The following SLC25A28 variants were observed in gnomAD, a reference collection of about 807,000 sequenced individuals.
SLC25A28 encodes solute carrier family 25 member 28.
In SLC25A28, 10 loss-of-function variants were observed where a neutral mutation model predicts 31.9. The ratio of observed to expected loss-of-function variants is 0.31; its 90% CI spans 0.19 to 0.53. SLC25A28 has a LOEUF of 0.53. Ranked by LOEUF, SLC25A28 falls within the 20% of genes least tolerant of loss-of-function variation. The pLI is 0.95. For missense variants in SLC25A28, 256 were observed against 490.3 expected (o/e 0.52, Z 4.51); for synonymous variants, 208 against 203.6 (o/e 1.02, Z -0.19).
At chr10:99,645,778 C>G in the SLC25A28 span, among the ~76,000 whole-genome samples, 4 of 152,224 alleles carry the variant, frequency 2.6e-5, no homozygotes, top group African/African-American at 9.6e-5. Context: ...TTCCTTCTAA[C>G]AGTCAGGACC....
the SLC25A28 span, among the ~76,000 whole-genome samples, chr10:99,651,738 A>G: frequency 1.3e-5 from 2 of 151,894 alleles, no homozygotes; most frequent in African/African-American, 4.8e-5. Flanking sequence ...TGAGAGGTCC[A>G]TGCCACCATG....
upstream of SLC25A28, among the ~76,000 whole-genome samples, chr10:99,623,777 CTG>C (rs1200893855): frequency 6.6e-6 from 1 of 152,082 alleles, no homozygotes. Context: ...GGTGGAGACT[CTG>C]TCAGCCTGGG....
the SLC25A28 span, among the ~76,000 whole-genome samples, chr10:99,643,999 T>A: frequency 3.3e-5 from 5 of 152,200 alleles, no homozygotes; most frequent in Non-Finnish European, 5.9e-5. Context: ...TATGGTCAAT[T>A]TTGGAATAAG....
chr10:99,619,391 A>G (rs1279362033), intron 1 of SLC25A28: 2 of 985,220 alleles, frequency 2.0e-6, no homozygotes, highest in Non-Finnish European at 2.4e-6. Context: ...TCCCAGCTCA[A>G]TTTTCATGTT....
upstream of SLC25A28, among the ~76,000 whole-genome samples, chr10:99,625,006 C>T (rs1027869831): frequency 1.3e-5 from 2 of 151,898 alleles, no homozygotes; most frequent in Admixed American, 6.6e-5. Flanking sequence ...AGAATGAAGC[C>T]GCGGACACTC....
chr10:99,648,618 T>G, the SLC25A28 span, among the ~76,000 whole-genome samples: 1 of 152,148 alleles, frequency 6.6e-6, no homozygotes, highest in Non-Finnish European at 1.5e-5. Flanking sequence ...ATCTACTATT[T>G]CTTTCATCAA....
chr10:99,618,184 AT>A (rs1297593076), intron 1 of SLC25A28: 36 of 837,100 alleles, frequency 4.3e-5, no homozygotes, highest in Non-Finnish European at 5.2e-5. Context: ...TTCTAGAAGC[AT>A]TTTTAACAGG....
chr10:99,639,722 T>TACACAC, the SLC25A28 span, among the ~76,000 whole-genome samples: 25,045 of 130,878 alleles, frequency 0.19, 2,602 homozygotes, highest in Middle Eastern at 0.26. Flanking sequence ...GCACCATGGG[T>TACACAC]ACACACACAC....
At chr10:99,628,166 G>C in the SLC25A28 span, among the ~76,000 whole-genome samples, 1 of 152,198 alleles carries the variant, frequency 6.6e-6, no homozygotes, top group African/African-American at 2.4e-5. Context: ...TCTCTCTTGG[G>C]ACTATGATAT....
the SLC25A28 span, among the ~76,000 whole-genome samples, chr10:99,639,254 A>G: frequency 6.6e-6 from 1 of 151,950 alleles, no homozygotes; most frequent in African/African-American, 2.4e-5. Context: ...CAAACATTGT[A>G]TCTTCTCACC....
the SLC25A28 span, among the ~76,000 whole-genome samples, chr10:99,646,269 C>T: frequency 6.6e-6 from 1 of 152,218 alleles, no homozygotes; most frequent in Non-Finnish European, 1.5e-5. Context: ...GCGGACGCCC[C>T]TCCCCCAGCC....
chr10:99,625,413 A>G (rs2133373807), upstream of SLC25A28, among the ~76,000 whole-genome samples: 1 of 152,174 alleles, frequency 6.6e-6, no homozygotes, highest in South Asian at 2.1e-4. Context: ...TTAGCTAGAC[A>G]CAGAGCGCAG....
In SLC25A28 at chr10:99,619,206, C is replaced by T. The variant is rs1215820642; in HGVS notation, c.291+839G>A. Reference sequence around the variant, plus strand: ...GTTTTACTTTCACAAGAATCGTGTCCTCTTGTTGATCTCTTTCCATTTTCT... The same window carrying T: ...GTTTTACTTTCACAAGAATCGTGTCTTCTTGTTGATCTCTTTCCATTTTCT... On this transcript the variant is annotated intron_variant, in intron 1 of 3. Transcript: ENST00000370495. The T allele has an allele frequency of 6.1e-6, 6 of 985,264 alleles. No homozygotes were observed. In the African/African-American group the frequency reaches 8.7e-5, roughly 14 times the overall value. 61.0% of individuals were successfully genotyped at this position (985,264 alleles called of 1,614,324 possible). A position where few individuals can be genotyped will look rare whatever the true frequency, so the allele number is the denominator to read the frequency against.
chr10:99,615,727 G>A (rs1215217494), intron 1 of SLC25A28: 7 of 985,040 alleles, frequency 7.1e-6, no homozygotes, highest in Non-Finnish European at 8.4e-6. Context: ...TAGAGACTAC[G>A]GGTCATATGC....
At chr10:99,617,812 T>G (rs527492877) in intron 1 of SLC25A28, 3 of 983,746 alleles carry the variant, frequency 3.0e-6, no homozygotes, top group South Asian at 4.7e-5. Context: ...AACTGCTATG[T>G]TGTATGACTA....
chr10:99,648,308 T>C, the SLC25A28 span, among the ~76,000 whole-genome samples: 2 of 152,214 alleles, frequency 1.3e-5, no homozygotes, highest in African/African-American at 4.8e-5. Context: ...ATTCCATTGA[T>C]GTATGTGTAT....
rs780544792 is a variant in SLC25A28 at position 99,610,900 on chromosome 10, G to A, written c.1044C>T (p.Phe348=). 1.2e-6 allele frequency: 2 copies of A among 1,614,180 alleles called. No homozygotes were observed. The highest frequency in any genetic ancestry group is 1.1e-5 in the South Asian group (1 of 91,080). The change falls in exon 4 of 4, where the codon TTC becomes TTT. Residue 348 remains phenylalanine, a synonymous_variant. Coordinates refer to ENST00000370495, the MANE Select transcript of SLC25A28 (RefSeq NM_031212.4). ...GCCTTTTAGTGATTAGGTATTTGAAGAACTCATACACAGACCATGCGATGG... is the reference window on the plus strand; with the variant it reads ...GCCTTTTAGTGATTAGGTATTTGAAAAACTCATACACAGACCATGCGATGG... The part of the protein sequence containing the change: ...STAIAWSVYE[F]FKYLITKRQE...
At chr10:99,629,883 G>A in the SLC25A28 span, among the ~76,000 whole-genome samples, 1 of 152,168 alleles carries the variant, frequency 6.6e-6, no homozygotes, top group East Asian at 1.9e-4. Context: ...ACTTTAAAAT[G>A]GTTAATTTGG....
chr10:99,617,030 T>G, intron 1 of SLC25A28: 1 of 985,376 alleles, frequency 1.0e-6, no homozygotes, highest in Non-Finnish European at 1.2e-6. Flanking sequence ...CATTTACATC[T>G]GGAAATTGGA....
Sources: allele counts gnomAD v4.1 joint callset (sites outside exome capture counted in the v4.1 genomes callset), GRCh38; gene constraint gnomAD v4.1.1; transcripts MANE v1.5; gene names NCBI Gene and HGNC (gene_info 2026-07-23, HGNC 2026-07-21).